ST3GAL4: variants seen among roughly 807,000 people sequenced by gnomAD.
ST3GAL4 encodes ST3 beta-galactoside alpha-2,3-sialyltransferase 4.
In ST3GAL4, 24 loss-of-function variants were observed where a neutral mutation model predicts 42.6. The observed-to-expected ratio is 0.56, with a 90% CI of 0.41 to 0.79. The LOEUF is 0.79. ST3GAL4 is among the 30% of genes least tolerant of loss of function. The pLI, the probability that ST3GAL4 is intolerant of heterozygous loss-of-function variation, is 0.00. For synonymous variants in ST3GAL4, 135 were observed against 163.2 expected, an observed-to-expected ratio of 0.83 and a Z score of 1.32; for missense variants, 311 against 430.8, an observed-to-expected ratio of 0.72 and a Z score of 2.46.
At chr11:126,382,615 G>A (rs1323952982) in intron 1 of ST3GAL4, among the ~76,000 whole-genome samples, 1 of 152,158 alleles carries the variant, frequency 6.6e-6, no homozygotes, top group African/African-American at 2.4e-5. Context: ...AGATGATGGA[G>A]AAGCCAGAGT....
In ST3GAL4 at chr11:126,413,495, T is replaced by G; in HGVS notation, c.772-10T>G. 1 of 1,613,694 alleles carries G rather than the reference T, an allele frequency of 6.2e-7. No homozygotes were observed. The highest frequency in any genetic ancestry group is 8.5e-7 in the Non-Finnish European group (1 of 1,179,914). On this transcript the variant is annotated splice_polypyrimidine_tract_variant and intron_variant, in intron 9 of 10. Coordinates refer to ENST00000444328, the MANE Select transcript of ST3GAL4 (RefSeq NM_001254757.2). ...GCTCCCACTAACACCCTCCTGCCCC[T>G]GTTCCTCAGAAGCCCACCACGGGCC... is the stretch of plus-strand genomic sequence containing the variant.
chr11:126,370,546 C>T (rs774980136), intron 1 of ST3GAL4, among the ~76,000 whole-genome samples: 1 of 152,148 alleles, frequency 6.6e-6, no homozygotes, highest in Non-Finnish European at 1.5e-5. Flanking sequence ...CTTGCAAATG[C>T]ACTTCTTAGT....
intron 1 of ST3GAL4, among the ~76,000 whole-genome samples, chr11:126,375,845 G>T (rs1952816764): frequency 6.7e-6 from 1 of 149,594 alleles, no homozygotes; most frequent in Non-Finnish European, 1.5e-5. Flanking sequence ...GGCAGAGATT[G>T]CAGGATCCTG....
intron 1 of ST3GAL4, among the ~76,000 whole-genome samples, chr11:126,357,237 C>T (rs953305223): frequency 1.3e-5 from 2 of 152,104 alleles, no homozygotes; most frequent in Admixed American, 6.5e-5. Context: ...GGCCCCATTG[C>T]GCTGGGTGGG....
At position 126,410,640 on chromosome 11, in the gene ST3GAL4, A is replaced by G. The variant is rs1245285271; in HGVS notation, c.771+1229A>G. On this transcript the variant is annotated intron_variant, in intron 9 of 10. Transcript: ENST00000444328. This position sits in a 1 kb window ranked among gnomAD's most constrained non-coding sequence, Gnocchi z 5.3. ...AATAAATGATTTTATTGTTTACTGA[A>G]CATTTCCTGTTATTCCATGTTCTGT... is the stretch of plus-strand genomic sequence containing the variant. Among the ~76,000 whole-genome samples, 5 of 152,186 alleles carry G rather than the reference A, an allele frequency of 3.3e-5. No homozygotes were observed. Among genetic ancestry groups the G allele is most frequent in the Non-Finnish European group, 2.9e-5 (2 of 68,036 alleles).
rs1015921841 is a variant in ST3GAL4 at position 126,398,887 on chromosome 11, G to T, written c.-60-7209G>T. ...AGGCAGAGGAGCACTGTGCCCAAAT[G>T]TGGGAGCAGAGACTTGAGGTGGCCC... On this transcript the variant is annotated intron_variant, in intron 1 of 10. Coordinates refer to ENST00000444328, the MANE Select transcript of ST3GAL4 (RefSeq NM_001254757.2). This position sits in a 1 kb window ranked among gnomAD's most constrained non-coding sequence, Gnocchi z 4.7. 3.3e-5 allele frequency among the ~76,000 whole-genome samples: 5 copies of T among 152,210 alleles called. No individual in the cohort carries two copies. The highest frequency in any genetic ancestry group is 7.2e-5 in the African/African-American group (3 of 41,444).
rs766419380 is a variant in ST3GAL4 at position 126,414,050 on chromosome 11, T to C, written c.*3T>C. 2.5e-6 allele frequency: 4 copies of C among 1,614,110 alleles called. No individual in the cohort carries two copies. The East Asian group carries it at 8.9e-5, about 36-fold the overall frequency. On this transcript the variant is annotated 3_prime_UTR_variant, in exon 11 of 11. Transcript: ENST00000444328. Reference sequence around the variant, plus strand: ...TCAAGAACCTCACGTCCTTCTGACCTGGGCAAGAGCTGTAGCCTGTCGGTT... The same window carrying C: ...TCAAGAACCTCACGTCCTTCTGACCCGGGCAAGAGCTGTAGCCTGTCGGTT...
chr11:126,387,579 A>T (rs192405565), intron 1 of ST3GAL4, among the ~76,000 whole-genome samples: 71 of 151,322 alleles, frequency 4.7e-4, no homozygotes, highest in Non-Finnish European at 1.8e-4. Context: ...GGGGAGGCTG[A>T]GGTGGGAGGG....
At position 126,359,629 on chromosome 11, in the gene ST3GAL4, G is replaced by A. The variant is rs1952178474; in HGVS notation, c.-61+3787G>A. On this transcript the variant is annotated intron_variant, in intron 1 of 10. Coordinates refer to ENST00000444328, the MANE Select transcript of ST3GAL4 (RefSeq NM_001254757.2). This position sits in a 1 kb window ranked among gnomAD's most constrained non-coding sequence, Gnocchi z 4.8. ...GTGGAACACAAACCCTGACCTCTGA[G>A]TGCTCTCCCGAACCCCACATCCCGG... Among the ~76,000 whole-genome samples, 1 of 152,198 alleles carries A rather than the reference G, an allele frequency of 6.6e-6. No individual in the cohort carries two copies. The highest frequency in any genetic ancestry group is 2.1e-4 in the South Asian group (1 of 4,830).
Position 126,386,742 on chromosome 11 carries a change from C to T in ST3GAL4, c.-60-19354C>T, listed in dbSNP as rs1179566681. Among the ~76,000 whole-genome samples, 1 of 152,206 alleles carries T rather than the reference C, an allele frequency of 6.6e-6. No individual in the cohort carries two copies. Among genetic ancestry groups the T allele is most frequent in the Non-Finnish European group, 1.5e-5 (1 of 68,034 alleles). On this transcript the variant is annotated intron_variant, in intron 1 of 10. Coordinates refer to ENST00000444328, the MANE Select transcript of ST3GAL4 (RefSeq NM_001254757.2). The surrounding 1 kb of genome is among the most constrained non-coding windows in gnomAD (Gnocchi z 4.7). ...CGGTGGGTGGCTCTGCCAGCTTCCC[C>T]TGGGGTGCTTCTGGCAACGCCCAGG...
Position 126,397,292 on chromosome 11 carries a change from C to T in ST3GAL4, c.-60-8804C>T, listed in dbSNP as rs1953821789. Among the ~76,000 whole-genome samples the T allele has an allele frequency of 6.6e-6, 1 of 152,064 alleles. No individual in the cohort carries two copies. Among genetic ancestry groups the T allele is most frequent in the African/African-American group, 2.4e-5 (1 of 41,360 alleles). The stretch of plus-strand genomic sequence containing the variant: ...AGGTCATTTAGGCAAGCTAGGAAAG[C>T]ACAGAATGATATAACACAAAGTTAC... On this transcript the variant is annotated intron_variant, in intron 1 of 10. Transcript: ENST00000444328. The surrounding 1 kb of genome is among the most constrained non-coding windows in gnomAD (Gnocchi z 5.0).
intron 1 of ST3GAL4, among the ~76,000 whole-genome samples, chr11:126,369,982 T>C (rs1952582887): frequency 6.6e-6 from 1 of 152,256 alleles, no homozygotes; most frequent in Non-Finnish European, 1.5e-5. Context: ...ATGCATCGAT[T>C]TGCATCCTAT....
rs1409211302 is a variant in ST3GAL4, at chr11:126,365,381, C to T, written c.-61+9539C>T. ...AGGCGCTGGCCAGGACCTTAGATTA[C>T]GCAGGGCATGGTGTTGGGGCCTCAC... On this transcript the variant is annotated intron_variant, in intron 1 of 10. Transcript: ENST00000444328. 1.9e-4 allele frequency among the ~76,000 whole-genome samples: 29 copies of T among 152,206 alleles called. 1 individual carries two copies. The highest frequency in any genetic ancestry group is 4.8e-4 in the African/African-American group (20 of 41,526).
Position 126,400,648 on chromosome 11 carries a change from T to C in ST3GAL4, c.-60-5448T>C, listed in dbSNP as rs1031755717. 1.1e-4 allele frequency among the ~76,000 whole-genome samples: 16 copies of C among 152,154 alleles called. No homozygotes were observed. The highest frequency in any genetic ancestry group is 3.4e-4 in the African/African-American group (14 of 41,428). Reference sequence around the variant, plus strand: ...GGAGTGAGTGAAGCAAGAGGGTGATTTGATCCATATCATTTCTTAGAAGGA... The same window carrying C: ...GGAGTGAGTGAAGCAAGAGGGTGATCTGATCCATATCATTTCTTAGAAGGA... On this transcript the variant is annotated intron_variant, in intron 1 of 10. Transcript: ENST00000444328. This position sits in a 1 kb window ranked among gnomAD's most constrained non-coding sequence, Gnocchi z 4.6.
intron 1 of ST3GAL4, chr11:126,377,032 T>C (rs1045921078): frequency 6.6e-6 from 1 of 152,354 alleles, no homozygotes; most frequent in Admixed American, 6.5e-5. Context: ...AAAATTCCTC[T>C]GAGCAAAGAT....
intron 1 of ST3GAL4, among the ~76,000 whole-genome samples, chr11:126,357,284 A>C (rs1952103867): frequency 6.6e-6 from 1 of 152,176 alleles, no homozygotes; most frequent in South Asian, 2.1e-4. Context: ...GGGCTCTGTC[A>C]AGACATGGGG....
chr11:126,364,257 G>C (rs1952353398), intron 1 of ST3GAL4, among the ~76,000 whole-genome samples: 1 of 151,496 alleles, frequency 6.6e-6, no homozygotes. Flanking sequence ...AGGAAAGGAG[G>C]AGGAGGTGGA....
Position 126,400,315 on chromosome 11 carries a change from G to C in ST3GAL4, c.-60-5781G>C, listed in dbSNP as rs1361479692. 6.6e-6 allele frequency among the ~76,000 whole-genome samples: 1 copy of C among 152,220 alleles called. No individual in the cohort carries two copies. The highest frequency in any genetic ancestry group is 1.5e-5 in the Non-Finnish European group (1 of 68,038). On this transcript the variant is annotated intron_variant, in intron 1 of 10. Coordinates refer to ENST00000444328, the MANE Select transcript of ST3GAL4 (RefSeq NM_001254757.2). This position sits in a 1 kb window ranked among gnomAD's most constrained non-coding sequence, Gnocchi z 4.6. ...TAACTGGCCTTTTATAAGGAACCCA[G>C]TTCCACAGTAATGGCATTAACCCAT...
intron 1 of ST3GAL4, among the ~76,000 whole-genome samples, chr11:126,369,031 C>T (rs1189262038): frequency 6.6e-6 from 1 of 152,138 alleles, no homozygotes; most frequent in Non-Finnish European, 1.5e-5. Context: ...CGTGATTGCC[C>T]AGGGTGCATA....
Sources: gnomAD v4.1 joint callset for allele counts (sites outside exome capture counted in the v4.1 genomes callset) on GRCh38, gnomAD v4.1.1 for gene constraint, Gnocchi (gnomAD v3.1) non-coding constraint, MANE v1.5 for transcripts, NCBI Gene and HGNC (gene_info 2026-07-23, HGNC 2026-07-21) for gene names.